The following METAP1 variants were observed in gnomAD, a reference collection of about 807,000 sequenced individuals.
METAP1 encodes methionyl aminopeptidase 1, also known as methionine aminopeptidase 1.
METAP1 carries 28 observed loss-of-function variants against 53.8 expected under a neutral mutation model. That is an observed-to-expected ratio of 0.52 (90% CI 0.39 to 0.71). The LOEUF is 0.71. METAP1 is among the 30% of genes least tolerant of loss of function. The probability of loss-of-function intolerance (pLI) is 0.00; values close to 1 mark genes in which losing one functional copy is unlikely to be tolerated. For synonymous variants in METAP1, 181 were observed against 165.7 expected, an observed-to-expected ratio of 1.09 and a Z score of -0.71; for missense variants, 389 against 479.8, an observed-to-expected ratio of 0.81 and a Z score of 1.77.
chr4:99,055,827 C>G (rs1163808166), intron 9 of METAP1, among the ~76,000 whole-genome samples: 14 of 152,180 alleles, frequency 9.2e-5, no homozygotes, highest in Admixed American at 7.2e-4. Flanking sequence ...TTGACGTTTT[C>G]TTTTTGGTTT....
chr4:99,049,598 GAGA>G (rs1560733295), intron 9 of METAP1, among the ~76,000 whole-genome samples: 2 of 152,162 alleles, frequency 1.3e-5, no homozygotes, highest in Admixed American at 6.5e-5. Flanking sequence ...TCTGTAGAGA[GAGA>G]AGAACATGTT....
At position 99,057,883 on chromosome 4, in the gene METAP1, T is replaced by C. The variant is rs375707667; in HGVS notation, c.997+65T>C. 154 of 1,383,412 alleles carry C rather than the reference T, an allele frequency of 1.1e-4. 1 individual carries two copies. The highest frequency in any genetic ancestry group is 1.5e-4 in the Non-Finnish European group (147 of 1,002,900). The allele number at this position is 1,383,412 out of a possible 1,614,324, so 85.7% of individuals were successfully genotyped here. ...TATATGTATTTTAGGTAATTCATCA[T>C]GTCAGTGGTCTTTTCTACCTGCTTG... On this transcript the variant is annotated intron_variant, in intron 10 of 10. Transcript: ENST00000296411.
At chr4:98,996,250 C>T (rs1053967431) in intron 1 of METAP1, among the ~76,000 whole-genome samples, 3 of 152,214 alleles carry the variant, frequency 2.0e-5, no homozygotes, top group Non-Finnish European at 4.4e-5. Flanking sequence ...AGGAGGGCAG[C>T]CCGAGCGTCG....
chr4:99,022,837 C>A, intron 1 of METAP1: 1 of 1,574,018 alleles, frequency 6.4e-7, no homozygotes, highest in Non-Finnish European at 8.6e-7. Context: ...TGCTGTGGTA[C>A]TGCTTTTTTC....
At chr4:99,035,492 C>G in intron 4 of METAP1, 32 bp downstream of exon 4, 1 of 1,486,678 alleles carries the variant, frequency 6.7e-7, no homozygotes. Flanking sequence ...CTTCATTTTT[C>G]AATTTGTGGG....
intron 1 of METAP1, among the ~76,000 whole-genome samples, chr4:99,013,534 C>T (rs1359863825): frequency 2.0e-5 from 3 of 152,160 alleles, no homozygotes; most frequent in African/African-American, 7.2e-5. Flanking sequence ...ACCAGCAGTC[C>T]AGCCACGAGA....
intron 1 of METAP1, among the ~76,000 whole-genome samples, chr4:98,996,427 C>T (rs897927381): frequency 6.6e-6 from 1 of 152,272 alleles, no homozygotes; most frequent in African/African-American, 2.4e-5. Context: ...CGCTAGCTAG[C>T]TCCAGCCCCA....
At chr4:99,048,212 C>T (rs1056103438) in intron 8 of METAP1, among the ~76,000 whole-genome samples, 2 of 152,124 alleles carry the variant, frequency 1.3e-5, no homozygotes, top group African/African-American at 2.4e-5. Flanking sequence ...ATGAGTCTAA[C>T]GTTTTTGGCA....
At chr4:99,009,243 G>A (rs189196750) in intron 1 of METAP1, among the ~76,000 whole-genome samples, 3 of 152,248 alleles carry the variant, frequency 2.0e-5, no homozygotes, top group Admixed American at 6.5e-5. Context: ...TATGTGTACC[G>A]CATGTTGTGT....
rs1030280332 is a variant in METAP1 at position 99,035,278 on chromosome 4, A to G, written c.280-122A>G. 20 of 675,514 alleles carry G rather than the reference A, an allele frequency of 3.0e-5. 1 individual carries two copies. The highest frequency in any genetic ancestry group is 1.6e-4 in the South Asian group (9 of 54,804). The allele number at this position is 675,514 out of a possible 1,614,324, so 41.8% of individuals were successfully genotyped here. The stretch of plus-strand genomic sequence containing the variant: ...GTAAAGCATAATCTTAATGAAATAT[A>G]TATCTGTTATAATATTTAAGATGCC... On this transcript the variant is annotated intron_variant, in intron 3 of 10. Transcript: ENST00000296411.
intron 1 of METAP1, among the ~76,000 whole-genome samples, chr4:98,999,781 G>A (rs572481451): frequency 6.6e-6 from 1 of 152,058 alleles, no homozygotes; most frequent in South Asian, 2.1e-4. Flanking sequence ...AAAGTGCTAG[G>A]ATTACAGGCA....
intron 1 of METAP1, among the ~76,000 whole-genome samples, chr4:99,006,683 A>T (rs1723193409): frequency 6.6e-6 from 1 of 152,196 alleles, no homozygotes. Flanking sequence ...CCCAAATGTC[A>T]TCCATAAAAG....
At chr4:99,004,690 C>G (rs888330420) in intron 1 of METAP1, among the ~76,000 whole-genome samples, 1 of 152,094 alleles carries the variant, frequency 6.6e-6, no homozygotes, top group Non-Finnish European at 1.5e-5. Flanking sequence ...TTGTGTTTAT[C>G]ATTCATTTGC....
chr4:99,016,486 G>A (rs1406702196), intron 1 of METAP1, among the ~76,000 whole-genome samples: 3 of 152,114 alleles, frequency 2.0e-5, no homozygotes, highest in Admixed American at 1.3e-4. Flanking sequence ...AATGTGTGCC[G>A]TAAAGTGGGT....
chr4:99,059,851 G>T (rs1727413494), intron 10 of METAP1, among the ~76,000 whole-genome samples: 2 of 151,842 alleles, frequency 1.3e-5, no homozygotes, highest in African/African-American at 4.8e-5. Flanking sequence ...TTTTTCTTAT[G>T]CTCTCACACC....
intron 1 of METAP1, chr4:99,023,688 A>T (rs1333365677): frequency 2.0e-5 from 20 of 985,322 alleles, no homozygotes; most frequent in Non-Finnish European, 2.4e-5. Flanking sequence ...AGAGAGGTTC[A>T]AGATGGGGAG....
intron 5 of METAP1, among the ~76,000 whole-genome samples, chr4:99,039,840 C>A (rs1404876895): frequency 6.6e-6 from 1 of 152,154 alleles, no homozygotes; most frequent in Non-Finnish European, 1.5e-5. Flanking sequence ...GATCTGCCCA[C>A]CTTGGCCTCC....
At chr4:98,998,123 C>G (rs116373333) in intron 1 of METAP1, among the ~76,000 whole-genome samples, 1 of 152,190 alleles carries the variant, frequency 6.6e-6, no homozygotes, top group Admixed American at 6.5e-5. Context: ...CTTTCCTTTC[C>G]GAAGTGTCAC....
intron 1 of METAP1, among the ~76,000 whole-genome samples, chr4:99,006,155 A>G (rs993429699): frequency 7.2e-5 from 11 of 152,278 alleles, no homozygotes; most frequent in African/African-American, 1.4e-4. Flanking sequence ...TCACTGGGCT[A>G]TTTGCATCAG....
Sources: gnomAD v4.1 joint callset for allele counts (sites outside exome capture counted in the v4.1 genomes callset) on GRCh38, gnomAD v4.1.1 for gene constraint, MANE v1.5 for transcripts, NCBI Gene and HGNC (gene_info 2026-07-23, HGNC 2026-07-21) for gene names.